Variants in SRPX observed in about 807,000 individuals in gnomAD.
SRPX encodes the protein sushi repeat containing protein X-linked.
In SRPX, 24 loss-of-function variants were observed where a neutral mutation model predicts 38.1. That is an observed-to-expected ratio of 0.63 (90% confidence interval 0.46 to 0.89). The LOEUF is 0.89. SRPX is among the 40% of genes least tolerant of loss of function. The pLI, the probability that SRPX is intolerant of heterozygous loss-of-function variation, is 0.00. For synonymous variants in SRPX, 184 were observed against 153.8 expected, an observed-to-expected ratio of 1.20 and a Z score of -1.45; for missense variants, 416 against 377.8, an observed-to-expected ratio of 1.10 and a Z score of -0.84.
In SRPX at chrX:38,166,569, TA is replaced by T. The variant is rs201874859; in HGVS notation, c.527-1675del. On this transcript the variant is annotated intron_variant, in intron 4 of 9. Coordinates refer to ENST00000378533, the MANE Select transcript of SRPX (RefSeq NM_006307.5). ...ATTCAAGATGTCTATACTCAGCTGT[TA>T]CGTTTTTAAAAACATTTAATTTTTT... 6.5e-3 allele frequency among the ~76,000 whole-genome samples: 735 copies of T among 112,340 alleles called. 2 individuals carry two copies. The highest frequency in any genetic ancestry group is 9.8e-3 in the Non-Finnish European group (522 of 53,233).
chrX:38,209,663 G>A (rs1939281192), intron 1 of SRPX, among the ~76,000 whole-genome samples: 1 of 112,451 alleles, frequency 8.9e-6, no homozygotes, highest in Non-Finnish European at 1.9e-5. Flanking sequence ...TTTGGATGAG[G>A]AAATTTTACA....
intron 4 of SRPX, among the ~76,000 whole-genome samples, chrX:38,167,861 T>A (rs1186890292): frequency 3.6e-5 from 4 of 111,681 alleles, no homozygotes; most frequent in Non-Finnish European, 1.9e-5. Flanking sequence ...CCCAGACTCA[T>A]GTGATCCTCC....
rs184448991 is a variant in SRPX at position 38,190,996 on chromosome X, A to T, written c.98-12652T>A. On this transcript the variant is annotated intron_variant, in intron 1 of 9. Coordinates refer to ENST00000378533, the MANE Select transcript of SRPX (RefSeq NM_006307.5). ...AGCCCTGAAGCTGCCAACGACAAAG[A>T]TTAAATCTCATACAGAATGCTAATT... is the stretch of plus-strand genomic sequence containing the variant. Among the ~76,000 whole-genome samples, 56 of 111,725 alleles carry T rather than the reference A, an allele frequency of 5.0e-4. 1 individual carries two copies. Among genetic ancestry groups the T allele is most frequent in the African/African-American group, 1.8e-3 (55 of 30,772 alleles).
chrX:38,183,055 A>ATT lies in SRPX; in HGVS notation c.98-4713_98-4712dup, dbSNP rs35438256. On this transcript the variant is annotated intron_variant, in intron 1 of 9. Coordinates refer to ENST00000378533, the MANE Select transcript of SRPX (RefSeq NM_006307.5). The stretch of plus-strand genomic sequence containing the variant: ...AAACTTTACTGCATATTCTTGATAG[A>ATT]TTTTTTTTTTTTTTTTGAGACAGGG... Among the ~76,000 whole-genome samples the ATT allele has an allele frequency of 8.4e-3, 807 of 96,551 alleles. 8 individuals carry two copies. Among genetic ancestry groups the ATT allele is most frequent in the African/African-American group, 0.022 (584 of 26,037 alleles). The allele number at this position is 96,551 out of a possible 115,157, so 83.8% of individuals were successfully genotyped here.
At chrX:38,203,977 G>A (rs761020717) in intron 1 of SRPX, among the ~76,000 whole-genome samples, 1 of 111,878 alleles carries the variant, frequency 8.9e-6, no homozygotes, top group African/African-American at 3.2e-5. Flanking sequence ...GGAAAGTTAA[G>A]AAAATAAAAA....
chrX:38,205,813 AC>A (rs1040942706), intron 1 of SRPX, among the ~76,000 whole-genome samples: 5 of 112,261 alleles, frequency 4.5e-5, no homozygotes, highest in African/African-American at 1.3e-4. Flanking sequence ...TTGGCTAGCA[AC>A]CTGAGGTCCA....
At chrX:38,153,207 C>A (rs758615971) in intron 9 of SRPX, among the ~76,000 whole-genome samples, 1 of 110,413 alleles carries the variant, frequency 9.1e-6, no homozygotes, top group South Asian at 3.9e-4. Context: ...GTGTACCCAG[C>A]CTTCTCCATT....
intron 1 of SRPX, among the ~76,000 whole-genome samples, chrX:38,183,885 C>A (rs1384944303): frequency 4.5e-5 from 5 of 111,547 alleles, no homozygotes; most frequent in Admixed American, 9.5e-5. Context: ...ATACCTGGAG[C>A]CAACTGCATT....
intron 1 of SRPX, among the ~76,000 whole-genome samples, chrX:38,190,989 G>A (rs145971781): frequency 2.7e-5 from 3 of 111,401 alleles, no homozygotes; most frequent in East Asian, 5.6e-4. Flanking sequence ...AGCTGCCAAC[G>A]ACAAAGATTA....
chrX:38,204,853 T>C (rs1939180997), intron 1 of SRPX, among the ~76,000 whole-genome samples: 1 of 112,398 alleles, frequency 8.9e-6, no homozygotes, highest in African/African-American at 3.2e-5. Context: ...TACATATCAA[T>C]AGTACCAAAG....
chrX:38,189,270 A>T (rs1421663586), intron 1 of SRPX, among the ~76,000 whole-genome samples: 3 of 111,451 alleles, frequency 2.7e-5, no homozygotes, highest in African/African-American at 9.8e-5. Flanking sequence ...CCCATCCTCA[A>T]CCTCTAGCTG....
intron 1 of SRPX, among the ~76,000 whole-genome samples, chrX:38,203,064 G>A (rs1939141976): frequency 9.0e-6 from 1 of 111,569 alleles, no homozygotes; most frequent in Non-Finnish European, 1.9e-5. Flanking sequence ...TACATAAAAA[G>A]AATAATATGG....
intron 3 of SRPX, among the ~76,000 whole-genome samples, chrX:38,173,300 G>T (rs922992527): frequency 8.0e-5 from 9 of 111,968 alleles, no homozygotes; most frequent in African/African-American, 2.9e-4. Context: ...TCCAAATGAG[G>T]TATGACTTGT....
intron 1 of SRPX, among the ~76,000 whole-genome samples, chrX:38,204,592 CT>C (rs1461340240): frequency 9.0e-6 from 1 of 111,638 alleles, no homozygotes; most frequent in Non-Finnish European, 1.9e-5. Flanking sequence ...GAAGAGGGGC[CT>C]TTGGGATTCA....
In SRPX at chrX:38,171,925, C is replaced by T. The variant is rs752259224; in HGVS notation, c.482G>A (p.Cys161Tyr). 1.7e-6 allele frequency: 2 copies of T among 1,211,831 alleles called. No homozygotes were observed. The highest frequency in any genetic ancestry group is 3.5e-5 in the South Asian group (2 of 56,985). The stretch of plus-strand genomic sequence containing the variant: ...GCCGCTCCAGGCCTTGTTGTCCATA[C>T]ATGTGACGGTCCGCTCCCCTTTCAA... ...YTLKGERTVT[C>Y]MDNKAWSGRP... is the part of the protein sequence containing the mutation. Residue 161 changes from cysteine (C) to tyrosine (Y), a missense_variant, in exon 4 of 10, where the codon TGT (cysteine) becomes TAT (tyrosine). Coordinates refer to ENST00000378533, the MANE Select transcript of SRPX (RefSeq NM_006307.5).
chrX:38,218,403 A>T (rs764298206), intron 1 of SRPX, among the ~76,000 whole-genome samples: 5 of 112,680 alleles, frequency 4.4e-5, no homozygotes, highest in African/African-American at 1.6e-4. Context: ...CATACACTTC[A>T]TGTAGGTTTT....
chrX:38,203,091 G>A (rs990550530), intron 1 of SRPX, among the ~76,000 whole-genome samples: 3 of 111,709 alleles, frequency 2.7e-5, no homozygotes, highest in African/African-American at 6.5e-5. Flanking sequence ...CAAATGGTAC[G>A]TATCCTGACA....
intron 2 of SRPX, among the ~76,000 whole-genome samples, chrX:38,176,317 C>G (rs1938566490): frequency 9.0e-6 from 1 of 111,384 alleles, no homozygotes; most frequent in Non-Finnish European, 1.9e-5. Context: ...GTATTCCAAG[C>G]AAAAGAATCA....
At chrX:38,206,088 G>C (rs932890027) in intron 1 of SRPX, among the ~76,000 whole-genome samples, 1 of 113,024 alleles carries the variant, frequency 8.8e-6, no homozygotes, top group Admixed American at 9.3e-5. Flanking sequence ...TAAGTGTCCT[G>C]GTAGCTTTGG....
Sources: allele counts gnomAD v4.1 joint callset (sites outside exome capture counted in the v4.1 genomes callset), GRCh38; gene constraint gnomAD v4.1.1; transcripts MANE v1.5; gene names NCBI Gene and HGNC (gene_info 2026-07-23, HGNC 2026-07-21).